Variants in ASNSD1 observed in about 807,000 individuals in gnomAD.
ASNSD1 encodes the protein asparagine synthetase domain-containing protein 1.
In ASNSD1, 36 loss-of-function variants were observed where a neutral mutation model predicts 48.3. That is an observed-to-expected ratio of 0.75 (90% CI 0.57 to 0.99). The LOEUF (loss-of-function observed/expected upper bound fraction) is 0.99, where lower values mean the gene tolerates loss of function less well. Ranked by LOEUF, ASNSD1 falls within the 50% of genes least tolerant of loss-of-function variation. The pLI is 0.00. For missense variants in ASNSD1, 714 were observed against 758.2 expected, an observed-to-expected ratio of 0.94 and a Z score of 0.69; for synonymous variants, 257 against 262.1, an observed-to-expected ratio of 0.98 and a Z score of 0.19.
rs1390386944 is a variant in ASNSD1 at position 189,666,578 on chromosome 2, A to G, written c.446A>G (p.Asn149Ser). ...CGTAGCTTGCTTTGGCATTTTAGTA[A>G]TTTGGGCAAGAGTTTCTGCCTCTCT... ...GRRSLLWHFSNLGKSFCLSSV... is the reference protein window; with the variant it reads ...GRRSLLWHFSSLGKSFCLSSV... Residue 149 changes from asparagine to serine, a missense_variant, in exon 4 of 6, where the codon AAT becomes AGT. Asn to Ser is a conservative substitution (Grantham distance 46). Coordinates refer to ENST00000260952, the MANE Select transcript of ASNSD1 (RefSeq NM_019048.4). The G allele has an allele frequency of 6.2e-7, 1 of 1,613,972 alleles. No homozygotes were observed. The highest frequency in any genetic ancestry group is 1.7e-5 in the Admixed American group (1 of 60,000).
chr2:189,670,304 G>C (rs2032898785), intron 5 of ASNSD1, 137 bp from the exon 6 acceptor site: 2 of 595,694 alleles, frequency 3.4e-6, no homozygotes, highest in Non-Finnish European at 5.6e-6. Flanking sequence ...TTGAGATTTA[G>C]ACTATTTTGT....
Position 189,667,916 on chromosome 2 carries a change from A to G in ASNSD1, c.1617A>G (p.Arg539=). ...CTAGAAATCTTGGTCGTGATGACAG[A>G]GTTATTGGTGATCATGGAAAAGAAG... is the stretch of plus-strand genomic sequence containing the variant. ...ISSRNLGRDD[R]VIGDHGKEAR... The change falls in exon 5 of 6, where the codon AGA becomes AGG. Residue 539 remains arginine, a synonymous_variant. Coordinates refer to ENST00000260952, the MANE Select transcript of ASNSD1 (RefSeq NM_019048.4). 6.2e-7 allele frequency: 1 copy of G among 1,610,644 alleles called. No homozygotes were observed. Among genetic ancestry groups the G allele is most frequent in the Non-Finnish European group, 8.5e-7 (1 of 1,179,144 alleles).
Position 189,666,405 on chromosome 2 carries a change from C to T in ASNSD1, c.273C>T (p.Asp91=). ...TAAAGGTTGAAGCTGAAGAGAATGACACTCAAATTTTGTTTAATTATCTTT... is the reference window on the plus strand; with the variant it reads ...TAAAGGTTGAAGCTGAAGAGAATGATACTCAAATTTTGTTTAATTATCTTT... The part of the protein sequence containing the change: ...SGIKVEAEEN[D]TQILFNYLSS... The change falls in exon 4 of 6, where the codon GAC becomes GAT. Residue 91 remains aspartate, a synonymous_variant. Transcript: ENST00000260952. 6.2e-7 allele frequency: 1 copy of T among 1,613,984 alleles called. No individual in the cohort carries two copies. Among genetic ancestry groups the T allele is most frequent in the Non-Finnish European group, 8.5e-7 (1 of 1,179,992 alleles).
chr2:189,666,621 A>G lies in ASNSD1; in HGVS notation c.489A>G (p.Thr163=), dbSNP rs2032811694. Residue 163 remains threonine, a synonymous_variant, in exon 4 of 6, where the codon ACA becomes ACG. Coordinates refer to ENST00000260952, the MANE Select transcript of ASNSD1 (RefSeq NM_019048.4). ...SFCLSSVGTQ[T]SGLANQWQEV... is the part of the protein sequence containing the mutation. Reference sequence around the variant, plus strand: ...GCCTCTCTTCAGTTGGCACCCAAACATCTGGATTGGCAAATCAGTGGCAAG... The same window carrying G: ...GCCTCTCTTCAGTTGGCACCCAAACGTCTGGATTGGCAAATCAGTGGCAAG... 1.2e-5 allele frequency: 20 copies of G among 1,614,170 alleles called. No individual in the cohort carries two copies. The highest frequency in any genetic ancestry group is 1.6e-5 in the Non-Finnish European group (19 of 1,180,026).
chr2:189,664,011 ATATT>A (rs1365318221), intron 2 of ASNSD1, 57 bp downstream of exon 2: 1 of 373,056 alleles, frequency 2.7e-6, no homozygotes, highest in Non-Finnish European at 4.8e-6. Flanking sequence ...TGTTAACTAT[ATATT>A]AAAGTTATAA....
At chr2:189,661,783 G>A (rs1385610647) in intron 1 of ASNSD1, among the ~76,000 whole-genome samples, 173 bp downstream of exon 1, 1 of 152,190 alleles carries the variant, frequency 6.6e-6, no homozygotes, top group Non-Finnish European at 1.5e-5. Context: ...TTTATTTTCT[G>A]AAAACAGTTG....
At chr2:189,663,677 G>A (rs183889996) in intron 1 of ASNSD1, among the ~76,000 whole-genome samples, 1 of 152,292 alleles carries the variant, frequency 6.6e-6, no homozygotes, top group East Asian at 1.9e-4. Context: ...CTAACATTTT[G>A]CAAGTCTAAT....
At chr2:189,666,014 A>T in intron 3 of ASNSD1, 27 bp from the exon 4 acceptor site, 2 of 1,137,472 alleles carry the variant, frequency 1.8e-6, no homozygotes, top group Non-Finnish European at 2.4e-6. Flanking sequence ...TATGTTATTT[A>T]ATATTTATTC....
chr2:189,670,817 T>C lies in ASNSD1; in HGVS notation c.*91T>C, dbSNP rs774448077. The C allele has an allele frequency of 1.4e-5, 13 of 933,034 alleles. 1 individual carries two copies. The highest frequency in any genetic ancestry group is 7.3e-4 in the Middle Eastern group (2 of 2,746). 57.8% of individuals were successfully genotyped at this position (933,034 alleles called of 1,614,324 possible). ...GCTGCTTTACTATTGTATAACATAG[T>C]AGTTTTAAAGTTCATTTGGTTGAAT... On this transcript the variant is annotated 3_prime_UTR_variant, in exon 6 of 6. Transcript: ENST00000260952.
rs538807207 is a variant in ASNSD1, at chr2:189,670,563, A to C, written c.1769A>C (p.Glu590Ala). 3 of 1,614,116 alleles carry C rather than the reference A, an allele frequency of 1.9e-6. No homozygotes were observed. The highest frequency in any genetic ancestry group is 2.5e-6 in the Non-Finnish European group (3 of 1,179,986). Residue 590 changes from glutamate to alanine, a missense_variant, in exon 6 of 6, where the codon GAA becomes GCA. Coordinates refer to ENST00000260952, the MANE Select transcript of ASNSD1 (RefSeq NM_019048.4). ...EKLLLRLAAVELGLTASALLP... is the reference protein window; with the variant it reads ...EKLLLRLAAVALGLTASALLP... Reference sequence around the variant, plus strand: ...TTACTTTTACGCCTTGCAGCTGTGGAACTTGGTCTTACAGCCTCTGCTCTT... The same window carrying C: ...TTACTTTTACGCCTTGCAGCTGTGGCACTTGGTCTTACAGCCTCTGCTCTT...
chr2:189,668,141 C>T (rs952618951), intron 5 of ASNSD1, among the ~76,000 whole-genome samples, 196 bp downstream of exon 5: 6 of 152,188 alleles, frequency 3.9e-5, no homozygotes, highest in Non-Finnish European at 7.3e-5. Flanking sequence ...TTCTAGAACT[C>T]ATTCTCTAAG....
chr2:189,666,173 A>C lies in ASNSD1; in HGVS notation c.41A>C (p.His14Pro). Residue 14 changes from histidine to proline, a missense_variant, in exon 4 of 6, where the codon CAT (histidine) becomes CCT (proline). Transcript: ENST00000260952. ...ICCSVNFSAE[H>P]FSQDLKEDLL... is the part of the protein sequence containing the mutation. Reference sequence around the variant, plus strand: ...TGTTCTGTAAACTTTTCTGCTGAGCATTTCAGTCAAGATTTAAAAGAGGAC... The same window carrying C: ...TGTTCTGTAAACTTTTCTGCTGAGCCTTTCAGTCAAGATTTAAAAGAGGAC... 6.2e-7 allele frequency: 1 copy of C among 1,600,122 alleles called. No homozygotes were observed. The highest frequency in any genetic ancestry group is 8.5e-7 in the Non-Finnish European group (1 of 1,174,508).
chr2:189,670,723 G>A lies in ASNSD1; in HGVS notation c.1929G>A (p.Leu643=), dbSNP rs753283435. 3.2e-6 allele frequency: 5 copies of A among 1,566,564 alleles called. No homozygotes were observed. Among genetic ancestry groups the A allele is most frequent in the Non-Finnish European group, 4.3e-6 (5 of 1,158,636 alleles). ...TTTCTATTGAAAAGGAGACTAAATT[G>A]TAATGTGATTCACAATGTAACAATA... ...ENLSIEKETK[L] is the part of the protein sequence containing the mutation. The change falls in exon 6 of 6, where the codon TTG becomes TTA. Residue 643 remains leucine (L), a synonymous_variant. Transcript: ENST00000260952.
At position 189,667,358 on chromosome 2, in the gene ASNSD1, G is replaced by A. The variant is rs917760084; in HGVS notation, c.1226G>A (p.Gly409Glu). Residue 409 changes from glycine to glutamate, a missense_variant, in exon 4 of 6, where the codon GGA becomes GAA. Coordinates refer to ENST00000260952, the MANE Select transcript of ASNSD1 (RefSeq NM_019048.4). ...GTCAGTGTACCAGATCGAATCACAG[G>A]AAGGGCGGGACTAAAGGAACTACAA... The part of the protein sequence containing the change: ...KHVSVPDRIT[G>E]RAGLKELQAV... 1.2e-6 allele frequency: 2 copies of A among 1,614,048 alleles called. No homozygotes were observed. Among genetic ancestry groups the A allele is most frequent in the African/African-American group, 1.3e-5 (1 of 74,936 alleles).
chr2:189,661,626 G>T lies in ASNSD1; in HGVS notation c.-223+16G>T. ...AAGCAGCAAGGTGAGTGTGAGACGC[G>T]ACGAAAAGGCTCCTGGACTCGGGAC... On this transcript the variant is annotated intron_variant, in intron 1 of 5. Coordinates refer to ENST00000260952, the MANE Select transcript of ASNSD1 (RefSeq NM_019048.4). 1 of 399,386 alleles carries T rather than the reference G, an allele frequency of 2.5e-6. No homozygotes were observed. Among genetic ancestry groups the T allele is most frequent in the Non-Finnish European group, 4.4e-6 (1 of 226,324 alleles). 24.7% of individuals were successfully genotyped at this position (399,386 alleles called of 1,614,324 possible).
Position 189,670,744 on chromosome 2 carries a change from CA to C in ASNSD1, c.*20del. The C allele has an allele frequency of 6.8e-7, 1 of 1,461,454 alleles. No individual in the cohort carries two copies. Among genetic ancestry groups the C allele is most frequent in the Non-Finnish European group, 9.1e-7 (1 of 1,097,628 alleles). 90.5% of individuals were successfully genotyped at this position (1,461,454 alleles called of 1,614,324 possible). On this transcript the variant is annotated 3_prime_UTR_variant, in exon 6 of 6. Coordinates refer to ENST00000260952, the MANE Select transcript of ASNSD1 (RefSeq NM_019048.4). ...AATTGTAATGTGATTCACAATGTAA[CA>C]ATATAAAAATAAGTTTTTATATAAT...
In ASNSD1 at chr2:189,665,651, A is replaced by T. The variant is rs1392207926; in HGVS notation, c.-93+200A>T. Among the ~76,000 whole-genome samples the T allele has an allele frequency of 1.5e-5, 2 of 130,802 alleles. 1 individual carries two copies. Among genetic ancestry groups the T allele is most frequent in the Admixed American group, 1.6e-4 (2 of 12,746 alleles). The allele number at this position is 130,802 out of a possible 152,430, so 85.8% of individuals were successfully genotyped here. A position where few individuals can be genotyped will look rare whatever the true frequency, so the allele number is the denominator to read the frequency against. Reference sequence around the variant, plus strand: ...ATATATATATATATATATATATTATAAATGTTTTAGAAAGCAATAGTTATT... The same window carrying T: ...ATATATATATATATATATATATTATTAATGTTTTAGAAAGCAATAGTTATT... On this transcript the variant is annotated intron_variant, in intron 3 of 5. Transcript: ENST00000260952.
At chr2:189,665,710 T>A (rs2032786772) in intron 3 of ASNSD1, among the ~76,000 whole-genome samples, 1 of 149,194 alleles carries the variant, frequency 6.7e-6, no homozygotes, top group African/African-American at 2.5e-5. Flanking sequence ...CAGGTCTAAG[T>A]ATGACAAACC....
chr2:189,670,527 T>C lies in ASNSD1; in HGVS notation c.1733T>C (p.Ile578Thr), dbSNP rs140395546. The stretch of plus-strand genomic sequence containing the variant: ...GCAAACTTGACTTTACCCCGAGGAA[T>C]TGGTGAAAAATTACTTTTACGCCTT... ...EKANLTLPRGIGEKLLLRLAA... is the reference protein window; with the variant it reads ...EKANLTLPRGTGEKLLLRLAA... The change falls in exon 6 of 6, where the codon ATT becomes ACT. Residue 578 changes from isoleucine (I) to threonine (T), a missense_variant. Transcript: ENST00000260952. 4.3e-6 allele frequency: 7 copies of C among 1,613,998 alleles called. No homozygotes were observed. The highest frequency in any genetic ancestry group is 1.1e-5 in the South Asian group (1 of 91,076).
Sources: gnomAD v4.1 joint callset for allele counts (sites outside exome capture counted in the v4.1 genomes callset) on GRCh38, gnomAD v4.1.1 for gene constraint, MANE v1.5 for transcripts, NCBI Gene and HGNC (gene_info 2026-07-23, HGNC 2026-07-21) for gene names.